LINGO2: variants seen among roughly 807,000 people sequenced by gnomAD.
LINGO2 encodes the protein leucine-rich repeat and immunoglobulin-like domain-containing nogo receptor-interacting protein 2.
Under a neutral mutation model 30.6 loss-of-function variants are expected in LINGO2, and 14 were observed. The observed-to-expected ratio is 0.46, with a 90% CI of 0.30 to 0.72. The LOEUF (loss-of-function observed/expected upper bound fraction) is 0.72, where lower values mean the gene tolerates loss of function less well. Among genes scored for constraint, LINGO2 ranks in the 30% least tolerant of loss-of-function variants. The probability of loss-of-function intolerance (pLI) is 0.07; values close to 1 mark genes in which losing one functional copy is unlikely to be tolerated. For missense variants in LINGO2, 729 were observed against 751.7 expected (o/e 0.97, Z 0.35); for synonymous variants, 317 against 288.5 (o/e 1.10, Z -1.00).
intron 2 of LINGO2, among the ~76,000 whole-genome samples, chr9:28,465,673 G>A (rs988963400): frequency 1.3e-5 from 2 of 152,102 alleles, no homozygotes; most frequent in Non-Finnish European, 2.9e-5. Flanking sequence ...TTGAAGAGAC[G>A]ATCCACAGAA....
At chr9:28,766,092 G>C in the LINGO2 span, among the ~76,000 whole-genome samples, 1 of 152,072 alleles carries the variant, frequency 6.6e-6, no homozygotes, top group East Asian at 1.9e-4. Flanking sequence ...AAATAAACAA[G>C]TGGTATGGCA....
At chr9:28,604,358 G>C (rs1431142148) in intron 1 of LINGO2, among the ~76,000 whole-genome samples, 1 of 152,048 alleles carries the variant, frequency 6.6e-6, no homozygotes, top group Non-Finnish European at 1.5e-5. Flanking sequence ...TTATGACTTA[G>C]GGAAGCCTAA....
At chr9:28,628,448 G>A (rs1211451364) in intron 1 of LINGO2, among the ~76,000 whole-genome samples, 1 of 152,048 alleles carries the variant, frequency 6.6e-6, no homozygotes, top group Non-Finnish European at 1.5e-5. Flanking sequence ...TCAGTTCTGT[G>A]CACTATGCCG....
chr9:28,223,380 G>C lies in LINGO2; in HGVS notation c.-87+71828C>G, dbSNP rs1821034910. ...CATAAGGGCAAGAGAACCAAACACT[G>C]TGTGAAGCCTCTTTTACAATGGCCT... On this transcript the variant is annotated intron_variant, in intron 4 of 5. Coordinates refer to ENST00000379992, the Ensembl canonical transcript of LINGO2. Among the ~76,000 whole-genome samples, 3 of 152,142 alleles carry C rather than the reference G, an allele frequency of 2.0e-5. No homozygotes were observed. The South Asian group carries it at 6.2e-4, about 31-fold the overall frequency.
chr9:28,365,557 T>C (rs1481965953), intron 3 of LINGO2, among the ~76,000 whole-genome samples: 1 of 151,926 alleles, frequency 6.6e-6, no homozygotes, highest in African/African-American at 2.4e-5. Context: ...TGAGGGTTGA[T>C]TGCTGAGGTA....
intron 2 of LINGO2, among the ~76,000 whole-genome samples, chr9:28,435,284 T>A (rs938526206): frequency 2.0e-5 from 3 of 152,196 alleles, no homozygotes; most frequent in Admixed American, 6.5e-5. Flanking sequence ...TAACCATATT[T>A]CATAATTTAA....
At chr9:28,823,375 C>A in the LINGO2 span, among the ~76,000 whole-genome samples, 1 of 152,120 alleles carries the variant, frequency 6.6e-6, no homozygotes, top group East Asian at 1.9e-4. Context: ...TTTTATAGGT[C>A]AATATATCAA....
chr9:29,201,973 T>TA, the LINGO2 span, among the ~76,000 whole-genome samples: 23 of 152,154 alleles, frequency 1.5e-4, no homozygotes, highest in African/African-American at 5.1e-4. Context: ...CACTGCATGT[T>TA]ACCTCTTTTA....
chr9:28,463,607 A>T (rs1156779331), intron 2 of LINGO2, among the ~76,000 whole-genome samples: 1 of 152,102 alleles, frequency 6.6e-6, no homozygotes, highest in African/African-American at 2.4e-5. Context: ...TAAAGGAAAA[A>T]TCATGGACAT....
chr9:28,584,068 G>C (rs890397941), intron 1 of LINGO2, among the ~76,000 whole-genome samples: 7 of 152,106 alleles, frequency 4.6e-5, no homozygotes, highest in Non-Finnish European at 2.9e-5. Flanking sequence ...GGACTTCCCA[G>C]TCTCCAGAAC....
the LINGO2 span, among the ~76,000 whole-genome samples, chr9:29,123,084 G>T: frequency 6.6e-6 from 1 of 152,028 alleles, no homozygotes; most frequent in Non-Finnish European, 1.5e-5. Flanking sequence ...AGCCCTTGTA[G>T]TGTACAGTCA....
At chr9:29,085,125 G>C in the LINGO2 span, among the ~76,000 whole-genome samples, 1 of 151,044 alleles carries the variant, frequency 6.6e-6, no homozygotes, top group African/African-American at 2.4e-5. Flanking sequence ...TTCCTAAATC[G>C]ATCTATTTTA....
At chr9:27,977,512 A>ACGTCG (rs1191553035) in intron 5 of LINGO2, among the ~76,000 whole-genome samples, 7 of 152,026 alleles carry the variant, frequency 4.6e-5, no homozygotes, top group Non-Finnish European at 1.0e-4. Flanking sequence ...ATAAATAAAA[A>ACGTCG]TAATCTATTC....
chr9:28,123,003 T>C (rs1827140915), intron 4 of LINGO2, among the ~76,000 whole-genome samples: 1 of 152,230 alleles, frequency 6.6e-6, no homozygotes, highest in Non-Finnish European at 1.5e-5. Flanking sequence ...TTTTTGTTTA[T>C]TTGTTGGTTT....
the LINGO2 span, among the ~76,000 whole-genome samples, chr9:29,066,948 C>T: frequency 4.6e-5 from 7 of 151,814 alleles, no homozygotes; most frequent in Non-Finnish European, 2.9e-5. Flanking sequence ...ATGAGCAAAA[C>T]TAACCCCAGC....
At chr9:28,178,295 G>T (rs777856592) in intron 4 of LINGO2, among the ~76,000 whole-genome samples, 1 of 151,988 alleles carries the variant, frequency 6.6e-6, no homozygotes, top group Non-Finnish European at 1.5e-5. Flanking sequence ...AAAATGTCTG[G>T]GCTCTCACAT....
intron 2 of LINGO2, among the ~76,000 whole-genome samples, chr9:28,474,796 AGGCT>A (rs1825663767): frequency 6.6e-6 from 1 of 152,206 alleles, no homozygotes; most frequent in Admixed American, 6.5e-5. Flanking sequence ...CTGTATGGTC[AGGCT>A]GGTGTCAATT....
In LINGO2 at chr9:28,644,808, T is replaced by C. The variant is rs537523397; in HGVS notation, c.-365+25392A>G. Among the ~76,000 whole-genome samples the C allele has an allele frequency of 2.0e-5, 3 of 152,112 alleles. No individual in the cohort carries two copies. In the South Asian group the frequency reaches 6.2e-4, roughly 32 times the overall value. On this transcript the variant is annotated intron_variant, in intron 1 of 5. Coordinates refer to ENST00000379992, the Ensembl canonical transcript of LINGO2. ...AAACATCTCCTGCACTCCATAAATA[T>C]ATATATCTACTATGTATCTATGTAC...
At chr9:28,618,710 A>C (rs1218017653) in intron 1 of LINGO2, among the ~76,000 whole-genome samples, 1 of 152,024 alleles carries the variant, frequency 6.6e-6, no homozygotes, top group Non-Finnish European at 1.5e-5. Flanking sequence ...TGTCCTTCAG[A>C]CTTCATCTTA....
Sources: gnomAD v4.1 joint callset for allele counts (sites outside exome capture counted in the v4.1 genomes callset) on GRCh38, gnomAD v4.1.1 for gene constraint, MANE v1.5 for transcripts, NCBI Gene and HGNC (gene_info 2026-07-23, HGNC 2026-07-21) for gene names.